The following PLPPR5 variants were observed in gnomAD, a reference collection of about 807,000 sequenced individuals.
PLPPR5 encodes the protein phospholipid phosphatase related 5.
PLPPR5 carries 16 observed loss-of-function variants against 33.9 expected under a neutral mutation model. That is an observed-to-expected ratio of 0.47 (90% CI 0.32 to 0.72). The LOEUF (loss-of-function observed/expected upper bound fraction) is 0.72, where lower values mean the gene tolerates loss of function less well. PLPPR5 is among the 30% of genes least tolerant of loss of function. The pLI, the probability that PLPPR5 is intolerant of heterozygous loss-of-function variation, is 0.03. For synonymous variants in PLPPR5, 163 were observed against 150.3 expected (o/e 1.08, Z -0.62); for missense variants, 301 against 406.7 (o/e 0.74, Z 2.23).
At chr1:98,997,653 AG>A (rs1652678376) in intron 1 of PLPPR5, among the ~76,000 whole-genome samples, 1 of 152,316 alleles carries the variant, frequency 6.6e-6, no homozygotes, top group African/African-American at 2.4e-5. Flanking sequence ...TAGGAAAATC[AG>A]GAAAAAAAGT....
intron 3 of PLPPR5, among the ~76,000 whole-genome samples, chr1:98,923,953 A>G (rs913139842): frequency 6.6e-6 from 1 of 152,220 alleles, no homozygotes; most frequent in Non-Finnish European, 1.5e-5. Context: ...GTATGAATAG[A>G]CAGGGAAATT....
At chr1:98,985,984 G>C (rs1180839302) in intron 1 of PLPPR5, among the ~76,000 whole-genome samples, 2 of 151,956 alleles carry the variant, frequency 1.3e-5, no homozygotes, top group African/African-American at 4.8e-5. Flanking sequence ...TGGCTAGTTT[G>C]TTTAAGGAAC....
intron 1 of PLPPR5, among the ~76,000 whole-genome samples, chr1:98,992,053 CAGG>C (rs922918019): frequency 1.6e-4 from 24 of 152,040 alleles, no homozygotes; most frequent in African/African-American, 5.3e-4. Context: ...GGGAAAAATA[CAGG>C]AGTTTATAGA....
chr1:98,934,130 A>C (rs944464903), intron 3 of PLPPR5, among the ~76,000 whole-genome samples: 2 of 152,178 alleles, frequency 1.3e-5, no homozygotes, highest in African/African-American at 4.8e-5. Flanking sequence ...TTCTGGGATA[A>C]ATGTCCATGG....
intron 3 of PLPPR5, among the ~76,000 whole-genome samples, chr1:98,930,530 C>T: frequency 6.6e-6 from 1 of 152,010 alleles, no homozygotes; most frequent in East Asian, 1.9e-4. Context: ...TATATAATAA[C>T]AGAAAAAGAC....
intron 1 of PLPPR5, among the ~76,000 whole-genome samples, chr1:98,985,770 A>G (rs2100756166): frequency 6.6e-6 from 1 of 152,224 alleles, no homozygotes. Context: ...ATTGGTACAT[A>G]GCCTAGGAAC....
chr1:98,943,122 CG>C (rs930159998), intron 3 of PLPPR5, among the ~76,000 whole-genome samples: 50 of 152,210 alleles, frequency 3.3e-4, no homozygotes, highest in African/African-American at 1.2e-3. Flanking sequence ...GCAAAATAGA[CG>C]GGGAGCCACG....
At chr1:98,973,499 A>G (rs986879975) in intron 1 of PLPPR5, among the ~76,000 whole-genome samples, 29 of 152,088 alleles carry the variant, frequency 1.9e-4, no homozygotes, top group African/African-American at 6.5e-4. Context: ...CAGAGTGGAC[A>G]CTGGGAATAA....
intron 1 of PLPPR5, among the ~76,000 whole-genome samples, chr1:98,963,466 T>C (rs1267213118): frequency 6.6e-6 from 1 of 152,160 alleles, no homozygotes; most frequent in Non-Finnish European, 1.5e-5. Flanking sequence ...ACTGTATGAA[T>C]GAAGAGAATG....
chr1:98,988,866 T>TA (rs1248426784), intron 1 of PLPPR5, among the ~76,000 whole-genome samples: 5 of 152,134 alleles, frequency 3.3e-5, no homozygotes, highest in Non-Finnish European at 7.4e-5. Context: ...CTTGATGAAA[T>TA]ATTGGATTTG....
chr1:99,002,183 G>A (rs1652874623), intron 1 of PLPPR5, among the ~76,000 whole-genome samples: 1 of 152,038 alleles, frequency 6.6e-6, no homozygotes, highest in Admixed American at 6.6e-5. Context: ...AAGCAGAAGG[G>A]AAAACAAATG....
At chr1:98,934,025 C>G (rs549441742) in intron 3 of PLPPR5, among the ~76,000 whole-genome samples, 1 of 152,172 alleles carries the variant, frequency 6.6e-6, no homozygotes, top group Admixed American at 6.6e-5. Context: ...GCATGGGCAC[C>G]AGGGGAGGAA....
At chr1:98,971,507 G>T (rs17358514) in intron 1 of PLPPR5, among the ~76,000 whole-genome samples, 10,621 of 150,322 alleles carry the variant, frequency 0.071, 503 homozygotes, top group Non-Finnish European at 0.096. Context: ...CATTTTTTTT[G>T]AACTCTGAGA....
chr1:98,974,326 G>A (rs1651770563), intron 1 of PLPPR5, among the ~76,000 whole-genome samples: 1 of 152,056 alleles, frequency 6.6e-6, no homozygotes, highest in South Asian at 2.1e-4. Flanking sequence ...TGACCTCTGA[G>A]AAAAAGCTTG....
In PLPPR5 at chr1:99,004,567, C is replaced by T. The variant is rs369479717; in HGVS notation, c.105G>A (p.Thr35=). Residue 35 remains threonine (T), a synonymous_variant, in exon 1 of 6, where the codon ACG becomes ACA. Coordinates refer to ENST00000263177, the MANE Select transcript of PLPPR5 (RefSeq NM_001037317.2). The stretch of plus-strand genomic sequence containing the variant: ...AGAAGCCCTGCACGTTCACGGTGAA[C>T]GTGTCCGTATACTCGAAGTAGTACG... The part of the protein sequence containing the change: ...MLAYYFEYTD[T]FTVNVQGFFC... The T allele has an allele frequency of 6.2e-6, 10 of 1,613,026 alleles. No individual in the cohort carries two copies. The highest frequency in any genetic ancestry group is 2.2e-5 in the East Asian group (1 of 44,812).
intron 5 of PLPPR5, among the ~76,000 whole-genome samples, chr1:98,910,205 A>C (rs1649069969): frequency 6.6e-6 from 1 of 152,232 alleles, no homozygotes; most frequent in Non-Finnish European, 1.5e-5. Context: ...TCTTGGCCAT[A>C]CTTGCAGACC....
intron 1 of PLPPR5, among the ~76,000 whole-genome samples, chr1:98,999,333 T>C (rs1317554334): frequency 2.0e-5 from 3 of 152,154 alleles, no homozygotes; most frequent in Non-Finnish European, 4.4e-5. Context: ...TATATTTACC[T>C]CAATTTTACA....
chr1:98,977,227 G>A (rs933545344), intron 1 of PLPPR5, among the ~76,000 whole-genome samples: 1 of 151,936 alleles, frequency 6.6e-6, no homozygotes, highest in Non-Finnish European at 1.5e-5. Flanking sequence ...TGAAACTCTA[G>A]TGTATTCGAT....
intron 5 of PLPPR5, among the ~76,000 whole-genome samples, chr1:98,910,127 G>A (rs544758789): frequency 1.5e-4 from 23 of 152,212 alleles, no homozygotes; most frequent in Middle Eastern, 3.4e-3. Flanking sequence ...ACTTCTAAAC[G>A]AAACCCTTTG....
Sources: gnomAD v4.1 joint callset for allele counts (sites outside exome capture counted in the v4.1 genomes callset) on GRCh38, gnomAD v4.1.1 for gene constraint, MANE v1.5 for transcripts, NCBI Gene and HGNC (gene_info 2026-07-23, HGNC 2026-07-21) for gene names.